Variants in AK8 observed in about 807,000 individuals in gnomAD.
The protein encoded by AK8 is adenylate kinase 8.
Under a neutral mutation model 54.6 loss-of-function variants are expected in AK8, and 44 were observed. The observed-to-expected ratio is 0.81, with a 90% CI of 0.63 to 1.04. The LOEUF is 1.04. Ranked by LOEUF, AK8 falls within the 50% of genes least tolerant of loss-of-function variation. The pLI, the probability that AK8 is intolerant of heterozygous loss-of-function variation, is 0.00. For synonymous variants in AK8, 239 were observed against 245.6 expected (o/e 0.97, Z 0.25); for missense variants, 555 against 613.6 (o/e 0.90, Z 1.01).
In AK8 at chr9:132,781,065, T is replaced by C. The variant is rs1057190225; in HGVS notation, c.1121+11569A>G. On this transcript the variant is annotated intron_variant, in intron 11 of 12. Coordinates refer to ENST00000298545, the MANE Select transcript of AK8 (RefSeq NM_152572.3). The surrounding 1 kb of genome is among the most constrained non-coding windows in gnomAD (Gnocchi z 4.6). ...AGTAAGCATTAATTTTAAAAGAAAA[T>C]ACTGTGCTACAAGCTTGCAGCATGA... 6.6e-6 allele frequency among the ~76,000 whole-genome samples: 1 copy of C among 152,108 alleles called. No individual in the cohort carries two copies. Among genetic ancestry groups the C allele is most frequent in the African/African-American group, 2.4e-5 (1 of 41,404 alleles).
Position 132,800,687 on chromosome 9 carries a change from C to A in AK8, c.980-7912G>T, listed in dbSNP as rs74637026. On this transcript the variant is annotated intron_variant, in intron 10 of 12. Coordinates refer to ENST00000298545, the MANE Select transcript of AK8 (RefSeq NM_152572.3). ...GCCAGGAAATAACAATGTGTTAATA[C>A]TGGATTTTCTTTCAAGACCAGAGAA... Among the ~76,000 whole-genome samples, 581 of 152,264 alleles carry A rather than the reference C, an allele frequency of 3.8e-3. 2 individuals are homozygous for A. The highest frequency in any genetic ancestry group is 0.013 in the African/African-American group (557 of 41,546).
chr9:132,852,542 G>C (rs113685364), intron 5 of AK8, among the ~76,000 whole-genome samples: 1 of 151,408 alleles, frequency 6.6e-6, no homozygotes, highest in South Asian at 2.1e-4. Flanking sequence ...CCTGGGAAGC[G>C]GAGGTTGCAG....
intron 11 of AK8, among the ~76,000 whole-genome samples, chr9:132,787,584 G>C (rs1839770543): frequency 6.6e-6 from 1 of 152,144 alleles, no homozygotes; most frequent in Non-Finnish European, 1.5e-5. Flanking sequence ...CCCATACACT[G>C]TTTCTCAGGA....
chr9:132,828,790 A>G (rs1334405910), intron 5 of AK8, 64 bp from the exon 6 acceptor site: 22 of 1,331,974 alleles, frequency 1.7e-5, no homozygotes, highest in Non-Finnish European at 2.2e-5. Flanking sequence ...GAATTATTTT[A>G]AAAGGAATAT....
At chr9:132,771,433 T>C (rs1410927291) in intron 11 of AK8, among the ~76,000 whole-genome samples, 1 of 152,224 alleles carries the variant, frequency 6.6e-6, no homozygotes, top group East Asian at 1.9e-4. Context: ...TATGAAAATG[T>C]GTCGCCTTCC....
chr9:132,809,897 CAG>C (rs753072847), intron 10 of AK8, among the ~76,000 whole-genome samples: 1 of 152,242 alleles, frequency 6.6e-6, no homozygotes, highest in Non-Finnish European at 1.5e-5. Context: ...GTCGGCTAGG[CAG>C]AGTTTCCCTG....
chr9:132,824,403 G>A (rs376410580), intron 8 of AK8, among the ~76,000 whole-genome samples: 54 of 152,326 alleles, frequency 3.5e-4, no homozygotes, highest in African/African-American at 1.3e-3. Context: ...TGTGCCTTGC[G>A]GTGGGTGCCG....
Position 132,770,517 on chromosome 9 carries a change from C to T in AK8, c.1121+22117G>A, listed in dbSNP as rs1199861531. On this transcript the variant is annotated intron_variant, in intron 11 of 12. Coordinates refer to ENST00000298545, the MANE Select transcript of AK8 (RefSeq NM_152572.3). The surrounding 1 kb of genome is among the most constrained non-coding windows in gnomAD (Gnocchi z 4.3). ...CGGGCTGGGAGCGCGGGGGATGCCC[C>T]TCGCCCTGCACGCGCGCCCTGCCCC... Among the ~76,000 whole-genome samples the T allele has an allele frequency of 6.6e-6, 1 of 152,180 alleles. No homozygotes were observed. Among genetic ancestry groups the T allele is most frequent in the Admixed American group, 6.5e-5 (1 of 15,288 alleles).
intron 7 of AK8, 88 bp downstream of exon 7, chr9:132,827,925 A>C: frequency 7.4e-7 from 1 of 1,359,990 alleles, no homozygotes. Flanking sequence ...CCCAGAGCAG[A>C]ATGCGAGGTC....
intron 11 of AK8, among the ~76,000 whole-genome samples, chr9:132,752,729 C>A (rs1316038233): frequency 6.6e-6 from 1 of 150,492 alleles, no homozygotes; most frequent in South Asian, 2.1e-4. Context: ...CCCCCACCCA[C>A]CCCACCTGCA....
chr9:132,824,364 A>C (rs780419659), intron 8 of AK8, among the ~76,000 whole-genome samples: 2 of 152,078 alleles, frequency 1.3e-5, no homozygotes, highest in Non-Finnish European at 2.9e-5. Flanking sequence ...TGGCCCCGTT[A>C]CACCTTCCTG....
chr9:132,801,221 C>T (rs934846193), intron 10 of AK8, among the ~76,000 whole-genome samples: 1 of 152,168 alleles, frequency 6.6e-6, no homozygotes, highest in African/African-American at 2.4e-5. Context: ...AGCCACCACG[C>T]CTGGCCAGTT....
At chr9:132,762,767 G>A (rs1838542595) in intron 11 of AK8, among the ~76,000 whole-genome samples, 1 of 152,084 alleles carries the variant, frequency 6.6e-6, no homozygotes, top group African/African-American at 2.4e-5. Context: ...AGTCAGGGGT[G>A]GTGGTGCATG....
intron 11 of AK8, among the ~76,000 whole-genome samples, chr9:132,750,355 G>A (rs1431253331): frequency 1.3e-5 from 2 of 151,924 alleles, no homozygotes; most frequent in Non-Finnish European, 2.9e-5. Flanking sequence ...CTGACCTCAA[G>A]TGAGCCACCC....
chr9:132,793,969 A>C (rs1840047404), intron 10 of AK8, among the ~76,000 whole-genome samples: 1 of 152,148 alleles, frequency 6.6e-6, no homozygotes, highest in Non-Finnish European at 1.5e-5. Context: ...GAAACCTTCC[A>C]CAGGGCCCCC....
chr9:132,730,552 T>C (rs1044245759), intron 11 of AK8, among the ~76,000 whole-genome samples: 6 of 151,758 alleles, frequency 4.0e-5, no homozygotes, highest in Non-Finnish European at 8.8e-5. Flanking sequence ...CAGGGGCCAG[T>C]TGCATCAGAA....
chr9:132,779,556 G>A (rs1480925551), intron 11 of AK8, among the ~76,000 whole-genome samples: 5 of 152,174 alleles, frequency 3.3e-5, no homozygotes, highest in Non-Finnish European at 7.3e-5. Flanking sequence ...AATAAGAGTC[G>A]GCCCTGACAG....
chr9:132,780,759 A>G (rs909668407), intron 11 of AK8, among the ~76,000 whole-genome samples: 2 of 152,316 alleles, frequency 1.3e-5, no homozygotes, highest in African/African-American at 4.8e-5. Flanking sequence ...CAATGAAGAG[A>G]GAAAAAGATA....
intron 5 of AK8, among the ~76,000 whole-genome samples, chr9:132,845,778 CAA>C (rs35258934): frequency 3.0e-4 from 33 of 108,778 alleles, no homozygotes; most frequent in African/African-American, 6.5e-4. Flanking sequence ...AACTCCATCT[CAA>C]AAAAAAAAAA....
Sources: allele counts gnomAD v4.1 joint callset (sites outside exome capture counted in the v4.1 genomes callset), GRCh38; gene constraint gnomAD v4.1.1; non-coding constraint Gnocchi (gnomAD v3.1); transcripts MANE v1.5; gene names NCBI Gene and HGNC (gene_info 2026-07-23, HGNC 2026-07-21).